Variants in COG6 observed in about 807,000 individuals in gnomAD.
The protein encoded by COG6 is conserved oligomeric Golgi complex subunit 6.
COG6 carries 74 observed loss-of-function variants against 88.8 expected under a neutral mutation model. The ratio of observed to expected loss-of-function variants is 0.83; its 90% CI spans 0.69 to 1.01. The LOEUF (loss-of-function observed/expected upper bound fraction) is 1.01, where lower values mean the gene tolerates loss of function less well. Ranked by LOEUF, COG6 falls within the 50% of genes least tolerant of loss-of-function variation. COG6 has a pLI of 0.00. For missense variants in COG6, 800 were observed against 797.9 expected (o/e 1.00, Z -0.03); for synonymous variants, 286 against 278.7 (o/e 1.03, Z -0.26).
chr13:39,785,540 A>G (rs1418821096), intron 18 of COG6: 1 of 152,134 alleles, frequency 6.6e-6, no homozygotes, highest in Non-Finnish European at 1.5e-5. Flanking sequence ...ACTTATGTCT[A>G]TGGTCATTTT....
intron 18 of COG6, among the ~76,000 whole-genome samples, chr13:39,764,900 T>C (rs753320931): frequency 4.5e-4 from 68 of 152,164 alleles, no homozygotes; most frequent in Admixed American, 1.1e-3. Flanking sequence ...AAATCATCTA[T>C]AGCCTTTCTG....
rs1267103634 is a variant in COG6 at position 39,659,385 on chromosome 13, G to C, written c.175G>C (p.Ala59Pro). ...ATAGGAGATGTTAGAAGCTCTCAAGGCACTTTCAACCTTTTTTGTTGAAAA... is the reference window on the plus strand; with the variant it reads ...ATAGGAGATGTTAGAAGCTCTCAAGCCACTTTCAACCTTTTTTGTTGAAAA... ...NDKEMLEALK[A>P]LSTFFVENSL... Residue 59 changes from alanine (A) to proline (P), a missense_variant, in exon 2 of 19, where the codon GCA becomes CCA. By Grantham distance (27) the Ala-to-Pro change is conservative. Coordinates refer to ENST00000455146, the MANE Select transcript of COG6 (RefSeq NM_020751.3). 1.2e-6 allele frequency: 2 copies of C among 1,613,508 alleles called. No homozygotes were observed. Among genetic ancestry groups the C allele is most frequent in the African/African-American group, 2.7e-5 (2 of 74,998 alleles).
intron 15 of COG6, among the ~76,000 whole-genome samples, chr13:39,720,554 C>G (rs909030404): frequency 6.6e-6 from 1 of 151,758 alleles, no homozygotes; most frequent in Admixed American, 6.6e-5. Context: ...TTAATTTTTT[C>G]TTTTAAAATA....
intron 15 of COG6, among the ~76,000 whole-genome samples, chr13:39,722,061 T>C (rs1325370475): frequency 1.1e-4 from 16 of 152,122 alleles, no homozygotes; most frequent in Non-Finnish European, 1.5e-5. Flanking sequence ...GAAGCCCCTG[T>C]CCTTGGTTGG....
chr13:39,776,259 G>A (rs1370732520), intron 18 of COG6, among the ~76,000 whole-genome samples: 1 of 152,146 alleles, frequency 6.6e-6, no homozygotes, highest in Non-Finnish European at 1.5e-5. Context: ...AGGCAGAAGG[G>A]GAGCAAGAGG....
chr13:39,761,952 G>C (rs749283238), intron 18 of COG6, among the ~76,000 whole-genome samples: 1 of 151,898 alleles, frequency 6.6e-6, no homozygotes, highest in Non-Finnish European at 1.5e-5. Context: ...AAACAGTATA[G>C]AGATTCCTCT....
intron 11 of COG6, among the ~76,000 whole-genome samples, chr13:39,693,384 T>TG (rs1057016191): frequency 6.6e-5 from 10 of 152,104 alleles, no homozygotes; most frequent in Admixed American, 6.6e-4. Flanking sequence ...CTCAAAATTC[T>TG]GGAAGGCAGC....
chr13:39,720,296 A>G (rs1253085903), intron 15 of COG6, among the ~76,000 whole-genome samples: 1 of 152,072 alleles, frequency 6.6e-6, no homozygotes, highest in Non-Finnish European at 1.5e-5. Flanking sequence ...TGCTATACCA[A>G]CCACTTGAGT....
chr13:39,756,250 A>C (rs2138157037), downstream of COG6, among the ~76,000 whole-genome samples: 1 of 152,272 alleles, frequency 6.6e-6, no homozygotes, highest in South Asian at 2.1e-4. Context: ...ACACAGAATA[A>C]ATAATACACT....
intron 18 of COG6, among the ~76,000 whole-genome samples, chr13:39,777,458 T>C (rs1298961240): frequency 1.3e-5 from 2 of 152,112 alleles, no homozygotes; most frequent in Non-Finnish European, 2.9e-5. Context: ...TTTAATGTTA[T>C]TAGGTTGAAA....
intron 13 of COG6, among the ~76,000 whole-genome samples, chr13:39,714,492 A>G (rs780272121): frequency 1.3e-5 from 2 of 152,168 alleles, no homozygotes; most frequent in Non-Finnish European, 2.9e-5. Context: ...TCAAAAGAAG[A>G]TATACAGATG....
At chr13:39,771,639 C>T (rs1050839238) in intron 18 of COG6, among the ~76,000 whole-genome samples, 1 of 152,196 alleles carries the variant, frequency 6.6e-6, no homozygotes, top group East Asian at 1.9e-4. Context: ...TTCTTACTTG[C>T]CTGAGGAAGA....
At chr13:39,676,087 T>A (rs1875949568) in intron 4 of COG6, among the ~76,000 whole-genome samples, 1 of 152,150 alleles carries the variant, frequency 6.6e-6, no homozygotes, top group East Asian at 1.9e-4. Context: ...CATTGTTATT[T>A]GCTGTAGTCA....
chr13:39,699,400 A>T (rs988317380), intron 12 of COG6, 101 bp from the exon 13 acceptor site: 6 of 619,990 alleles, frequency 9.7e-6, no homozygotes, highest in African/African-American at 1.9e-5. Context: ...TTACATAAAA[A>T]CTTTTATTTA....
intron 4 of COG6, among the ~76,000 whole-genome samples, chr13:39,676,057 G>A (rs1875947837): frequency 6.6e-6 from 1 of 151,764 alleles, no homozygotes; most frequent in Admixed American, 6.6e-5. Context: ...CAAACTCTTC[G>A]CTATCTTGAA....
intron 1 of COG6, among the ~76,000 whole-genome samples, chr13:39,658,023 G>T (rs146730045): frequency 4.3e-4 from 64 of 148,814 alleles, no homozygotes; most frequent in Non-Finnish European, 6.7e-4. Flanking sequence ...CATTTACCCA[G>T]TCAAGCAAGA....
At chr13:39,658,528 C>G (rs1026603079) in intron 1 of COG6, among the ~76,000 whole-genome samples, 1 of 152,138 alleles carries the variant, frequency 6.6e-6, no homozygotes, top group Non-Finnish European at 1.5e-5. Flanking sequence ...TGTTTTTTCT[C>G]TTACCTACCT....
chr13:39,734,709 A>C (rs950629475), intron 18 of COG6, among the ~76,000 whole-genome samples: 12 of 152,140 alleles, frequency 7.9e-5, no homozygotes, highest in African/African-American at 2.9e-4. Context: ...TGAAGCCTCC[A>C]GCTATTATTG....
intron 2 of COG6, 28 bp from the exon 3 acceptor site, chr13:39,660,782 T>C (rs1199131206): frequency 7.4e-7 from 1 of 1,354,850 alleles, no homozygotes; most frequent in Non-Finnish European, 1.1e-6. Flanking sequence ...GTATATATGA[T>C]GTTTGATGTT....
Sources: allele counts gnomAD v4.1 joint callset (sites outside exome capture counted in the v4.1 genomes callset), GRCh38; gene constraint gnomAD v4.1.1; transcripts MANE v1.5; gene names NCBI Gene and HGNC (gene_info 2026-07-23, HGNC 2026-07-21).